Variants in RUBCNL observed in about 807,000 individuals in gnomAD.
RUBCNL encodes the protein protein associated with UVRAG as autophagy enhancer.
RUBCNL carries 62 observed loss-of-function variants against 69.5 expected under a neutral mutation model. The observed-to-expected ratio is 0.89, with a 90% CI of 0.73 to 1.10. The LOEUF (loss-of-function observed/expected upper bound fraction) is 1.10. RUBCNL is among the 50% of genes least tolerant of loss of function. The probability of loss-of-function intolerance (pLI) is 0.00; values close to 1 mark genes in which losing one functional copy is unlikely to be tolerated. For missense variants in RUBCNL, 768 were observed against 798.1 expected (o/e 0.96, Z 0.45); for synonymous variants, 291 against 303.6 (o/e 0.96, Z 0.43).
chr13:46,351,830 T>C (rs2048375695), intron 10 of RUBCNL, among the ~76,000 whole-genome samples: 1 of 146,410 alleles, frequency 6.8e-6, no homozygotes, highest in African/African-American at 2.5e-5. Context: ...TCTTTACACT[T>C]TTTTTTTTTT....
Position 46,372,536 on chromosome 13 carries a change from G to C in RUBCNL, c.-61C>G. On this transcript the variant is annotated 5_prime_UTR_variant, in exon 3 of 15. Transcript: ENST00000429979. ...AACAGATAGGAGTTCCCTGATTGCT[G>C]GTACTACTTGATTTGGGCCCTGAAC... 1 of 1,519,658 alleles carries C rather than the reference G, an allele frequency of 6.6e-7. No homozygotes were observed. The highest frequency in any genetic ancestry group is 8.9e-7 in the Non-Finnish European group (1 of 1,129,700). The allele number at this position is 1,519,658 out of a possible 1,614,324, so 94.1% of individuals were successfully genotyped here. A position where few individuals can be genotyped will look rare whatever the true frequency, so the allele number is the denominator to read the frequency against.
At chr13:46,349,746 G>A (rs1255711499) in intron 11 of RUBCNL, among the ~76,000 whole-genome samples, 3 of 151,268 alleles carry the variant, frequency 2.0e-5, no homozygotes, top group East Asian at 1.9e-4. Flanking sequence ...GTGCAATCTC[G>A]GCTTGCTGCA....
intron 2 of RUBCNL, among the ~76,000 whole-genome samples, chr13:46,377,434 T>G (rs769822850): frequency 2.0e-5 from 3 of 152,178 alleles, no homozygotes; most frequent in Admixed American, 6.5e-5. Flanking sequence ...TGCCTAATTT[T>G]TGTATTTTTA....
chr13:46,383,353 C>T (rs542555189), intron 1 of RUBCNL, among the ~76,000 whole-genome samples: 1 of 152,312 alleles, frequency 6.6e-6, no homozygotes, highest in Non-Finnish European at 1.5e-5. Context: ...TGAGACCTTT[C>T]CCATCACCTA....
At chr13:46,376,427 G>A (rs2048996210) in intron 2 of RUBCNL, among the ~76,000 whole-genome samples, 1 of 151,682 alleles carries the variant, frequency 6.6e-6, no homozygotes. Flanking sequence ...CACTACAAAA[G>A]CCCCAAATCA....
chr13:46,351,556 T>C (rs1016574076), intron 10 of RUBCNL, among the ~76,000 whole-genome samples: 17 of 152,122 alleles, frequency 1.1e-4, no homozygotes, highest in African/African-American at 4.1e-4. Flanking sequence ...ACATTTATAA[T>C]GGGGGTGGCA....
At position 46,387,145 on chromosome 13, in the gene RUBCNL, C is replaced by T. The variant is rs2049268040; in HGVS notation, c.-250G>A. 3 of 985,456 alleles carry T rather than the reference C, an allele frequency of 3.0e-6. No homozygotes were observed. The African/African-American group carries it at 5.2e-5, about 17-fold the overall frequency. 61.0% of individuals were successfully genotyped at this position (985,456 alleles called of 1,614,324 possible). On this transcript the variant is annotated 5_prime_UTR_variant, in exon 1 of 15. Coordinates refer to ENST00000429979, the MANE Select transcript of RUBCNL (RefSeq NM_025113.5). Reference sequence around the variant, plus strand: ...CCCGCCAGCCTCACCCAGCCAAACCCGAGCGGTGGAACGCTGCGCTGGGTA... The same window carrying T: ...CCCGCCAGCCTCACCCAGCCAAACCTGAGCGGTGGAACGCTGCGCTGGGTA...
At chr13:46,358,859 C>T (rs1392695522) in intron 9 of RUBCNL, among the ~76,000 whole-genome samples, 6 of 152,286 alleles carry the variant, frequency 3.9e-5, no homozygotes, top group South Asian at 2.1e-4. Context: ...CCACCGTACC[C>T]GGCCTCTGTA....
At chr13:46,385,204 T>A in intron 1 of RUBCNL, 1 of 788,142 alleles carries the variant, frequency 1.3e-6, no homozygotes, top group Non-Finnish European at 1.5e-6. Flanking sequence ...ACCATCATTA[T>A]TATTGCAGAA....
chr13:46,377,933 A>AATGACACAG lies in RUBCNL; in HGVS notation c.-167_-166insCTGTGTCAT. On this transcript the variant is annotated 5_prime_UTR_variant, in exon 2 of 15. Transcript: ENST00000429979. ...GAAGAGGCAGATTGACACAGAGGAG[A>AATGACACAG]AAGTAATGATTGGAAACCATCAAAG... The AATGACACAG allele has an allele frequency of 6.2e-7, 1 of 1,610,184 alleles. No homozygotes were observed. The highest frequency in any genetic ancestry group is 8.5e-7 in the Non-Finnish European group (1 of 1,178,638).
intron 1 of RUBCNL, among the ~76,000 whole-genome samples, chr13:46,381,434 G>C (rs190185341): frequency 6.6e-6 from 1 of 152,090 alleles, no homozygotes; most frequent in African/African-American, 2.4e-5. Context: ...AAGGAGATTC[G>C]TGGTTGCTTA....
Position 46,359,622 on chromosome 13 carries a change from C to T in RUBCNL, c.1129G>A (p.Glu377Lys). The change falls in exon 9 of 15, where the codon GAA (glutamate) becomes AAA (lysine). Residue 377 changes from glutamate to lysine, a missense_variant. Physicochemically the swap from Glu to Lys is moderately conservative, Grantham distance 56 (BLOSUM62 1). Transcript: ENST00000429979. The stretch of plus-strand genomic sequence containing the variant: ...TCAAAGTCTTTTCGGACACACTCTT[C>T]ATTTACGACCTGCATAAGACATAAA... The part of the protein sequence containing the change: ...LSAAGSIVVN[E>K]ECVRKDFESS... 4 of 1,588,248 alleles carry T rather than the reference C, an allele frequency of 2.5e-6. No homozygotes were observed. The highest frequency in any genetic ancestry group is 2.6e-6 in the Non-Finnish European group (3 of 1,166,102).
At chr13:46,354,756 C>A in intron 10 of RUBCNL, 2 of 456,642 alleles carry the variant, frequency 4.4e-6, no homozygotes, top group Non-Finnish European at 8.8e-6. Context: ...GTGTTACATA[C>A]ACTTACTTGG....
rs756378237 is a variant in RUBCNL, at chr13:46,372,481, C to T, written c.-6G>A. 1.3e-6 allele frequency: 2 copies of T among 1,595,050 alleles called. No individual in the cohort carries two copies. The highest frequency in any genetic ancestry group is 1.3e-5 in the African/African-American group (1 of 74,578). The stretch of plus-strand genomic sequence containing the variant: ...ACTGTAGATTGTGACACCATCTTTC[C>T]AGGCTTGTGGCTGGTGTGAATCCAT... On this transcript the variant is annotated 5_prime_UTR_variant, in exon 3 of 15. It introduces an in-frame stop codon into an upstream open reading frame of the 5' UTR. Coordinates refer to ENST00000429979, the MANE Select transcript of RUBCNL (RefSeq NM_025113.5).
chr13:46,345,569 G>T lies in RUBCNL; in HGVS notation c.1663C>A (p.His555Asn). 1 of 1,613,700 alleles carries T rather than the reference G, an allele frequency of 6.2e-7. No individual in the cohort carries two copies. The highest frequency in any genetic ancestry group is 8.5e-7 in the Non-Finnish European group (1 of 1,179,790). Reference protein sequence around the residue: ...ALKEFEQVPGHLTDELHLFSL... With the variant: ...ALKEFEQVPGNLTDELHLFSL... ...AACAGGTGGAGCTCATCAGTCAAGT[G>T]TCCCGGCACCTGCTCGAACTCCTTT... Residue 555 changes from histidine to asparagine, a missense_variant, in exon 13 of 15, where the codon CAC (histidine) becomes AAC (asparagine). Physicochemically the swap from His to Asn is moderately conservative, Grantham distance 68 (BLOSUM62 1). Coordinates refer to ENST00000429979, the MANE Select transcript of RUBCNL (RefSeq NM_025113.5).
chr13:46,372,520 G>A lies in RUBCNL; in HGVS notation c.-45C>T, dbSNP rs2048902650. 2 of 1,539,824 alleles carry A rather than the reference G, an allele frequency of 1.3e-6. No homozygotes were observed. Among genetic ancestry groups the A allele is most frequent in the Non-Finnish European group, 1.8e-6 (2 of 1,139,960 alleles). ...GTGTGAATCCATTCAAAACAGATAGGAGTTCCCTGATTGCTGGTACTACTT... is the reference window on the plus strand; with the variant it reads ...GTGTGAATCCATTCAAAACAGATAGAAGTTCCCTGATTGCTGGTACTACTT... On this transcript the variant is annotated 5_prime_UTR_variant, in exon 3 of 15. Transcript: ENST00000429979.
intron 10 of RUBCNL, among the ~76,000 whole-genome samples, chr13:46,356,227 C>G (rs2048480669): frequency 6.6e-6 from 1 of 152,166 alleles, no homozygotes; most frequent in African/African-American, 2.4e-5. Flanking sequence ...AACTAGGAGG[C>G]TGGTCCTGGT....
At chr13:46,347,917 C>T (rs1278156907) in intron 12 of RUBCNL, among the ~76,000 whole-genome samples, 3 of 151,896 alleles carry the variant, frequency 2.0e-5, no homozygotes, top group South Asian at 2.1e-4. Context: ...GGCGTGAACC[C>T]GGGAGGCGGA....
At chr13:46,382,942 C>A (rs949424486) in intron 1 of RUBCNL, among the ~76,000 whole-genome samples, 4 of 152,116 alleles carry the variant, frequency 2.6e-5, no homozygotes, top group Non-Finnish European at 4.4e-5. Flanking sequence ...GTTTTAAGTG[C>A]CTATTTTTTA....
Sources: gnomAD v4.1 joint callset for allele counts (sites outside exome capture counted in the v4.1 genomes callset) on GRCh38, gnomAD v4.1.1 for gene constraint, MANE v1.5 for transcripts, NCBI Gene and HGNC (gene_info 2026-07-23, HGNC 2026-07-21) for gene names.